SLAMF9: variants seen among roughly 807,000 people sequenced by gnomAD.
SLAMF9 encodes the protein SLAM family member 9, also known as CD2 family member 10.
In SLAMF9, 25 loss-of-function variants were observed where a neutral mutation model predicts 30.4. That is an observed-to-expected ratio of 0.82 (90% CI 0.60 to 1.15). The LOEUF is 1.15. Ranked by LOEUF, SLAMF9 falls within the 50% of genes most tolerant of loss-of-function variation. SLAMF9 has a pLI of 0.00. For missense variants in SLAMF9, 344 were observed against 346.1 expected (o/e 0.99, Z 0.05); for synonymous variants, 129 against 127.2 (o/e 1.01, Z -0.09).
rs148110395 is a variant in SLAMF9 at position 159,951,529 on chromosome 1, T to C, written c.*132A>G. 2.6e-6 allele frequency: 2 copies of C among 775,404 alleles called. No individual in the cohort carries two copies. Among genetic ancestry groups the C allele is most frequent in the East Asian group, 2.6e-5 (1 of 38,728 alleles). The allele number at this position is 775,404 out of a possible 1,614,324, so 48.0% of individuals were successfully genotyped here. ...AATTTGACTTTATTGCCAGCCAGTC[T>C]TCCCTCAGAAGTATGGCTCTCTGGA... On this transcript the variant is annotated 3_prime_UTR_variant, in exon 4 of 4. Transcript: ENST00000368093.
the SLAMF9 span, chr1:159,961,162 CTCT>C: frequency 6.6e-6 from 1 of 152,150 alleles, no homozygotes; most frequent in Non-Finnish European, 1.5e-5. Flanking sequence ...GACTTTCTCT[CTCT>C]TCTTCCTGGA....
chr1:159,959,592 A>G, the SLAMF9 span, among the ~76,000 whole-genome samples: 1 of 152,088 alleles, frequency 6.6e-6, no homozygotes, highest in Non-Finnish European at 1.5e-5. Flanking sequence ...GACCTGTCAT[A>G]GGTGCCTGTC....
At chr1:159,978,011 C>G in the SLAMF9 span, among the ~76,000 whole-genome samples, 2 of 152,064 alleles carry the variant, frequency 1.3e-5, no homozygotes, top group African/African-American at 4.8e-5. Context: ...GGATCTGTGG[C>G]CTTTCTTCCT....
chr1:159,973,129 C>A, the SLAMF9 span: 1 of 1,539,458 alleles, frequency 6.5e-7, no homozygotes, highest in Non-Finnish European at 8.9e-7. Flanking sequence ...GGGCCCCTGT[C>A]CTGCAAGGTG....
At chr1:159,966,977 T>C in the SLAMF9 span, among the ~76,000 whole-genome samples, 2 of 152,196 alleles carry the variant, frequency 1.3e-5, no homozygotes, top group African/African-American at 4.8e-5. Flanking sequence ...GCATAAACTT[T>C]TTAGTTTTAT....
intron 3 of SLAMF9, 36 bp downstream of exon 3, chr1:159,952,226 T>C (rs1651770225): frequency 6.2e-7 from 1 of 1,610,196 alleles, no homozygotes; most frequent in East Asian, 2.2e-5. Context: ...GCACTATCTT[T>C]CATGAGCTCA....
At chr1:159,969,773 T>C in the SLAMF9 span, among the ~76,000 whole-genome samples, 1 of 152,234 alleles carries the variant, frequency 6.6e-6, no homozygotes, top group African/African-American at 2.4e-5. Context: ...CTGGGTGCAG[T>C]GGCTCATGCC....
chr1:159,969,691 G>C, the SLAMF9 span, among the ~76,000 whole-genome samples: 1 of 152,150 alleles, frequency 6.6e-6, no homozygotes, highest in Non-Finnish European at 1.5e-5. Flanking sequence ...TCCTGGACAG[G>C]GGAGAGGAAT....
intron 3 of SLAMF9, 61 bp from the exon 4 acceptor site, chr1:159,951,927 C>T: frequency 1.4e-6 from 2 of 1,452,800 alleles, no homozygotes; most frequent in Non-Finnish European, 1.9e-6. Context: ...AAGATTTGGG[C>T]AGACTCCTAC....
At chr1:159,983,215 C>G in the SLAMF9 span, 1 of 152,196 alleles carries the variant, frequency 6.6e-6, no homozygotes, top group Admixed American at 6.5e-5. Flanking sequence ...TGTCTTTCAT[C>G]CTTTTCTTTT....
At chr1:159,967,212 A>G in the SLAMF9 span, among the ~76,000 whole-genome samples, 1 of 152,198 alleles carries the variant, frequency 6.6e-6, no homozygotes, top group Admixed American at 6.5e-5. Context: ...ACACAGGTAT[A>G]CATGTGCCAT....
the SLAMF9 span, among the ~76,000 whole-genome samples, chr1:159,976,086 AGTGTGTGTGTGT>A: frequency 2.8e-4 from 42 of 148,370 alleles, no homozygotes; most frequent in African/African-American, 6.0e-4. Context: ...TATAGGTTGT[AGTGTGTGTGTGT>A]GTGTGTGTGT....
At chr1:159,972,840 G>T in the SLAMF9 span, 2 of 942,022 alleles carry the variant, frequency 2.1e-6, no homozygotes, top group Non-Finnish European at 2.9e-6. Flanking sequence ...GGACACAGGA[G>T]CTGGGACACA....
chr1:159,953,654 C>G lies in SLAMF9; in HGVS notation c.47-1G>C, dbSNP rs916504659. ...CATCTCCAGAGTCTCCTTTGGCTGC[C>G]TATGCAGGAAGAAAAGAGAAGCAAA... is the stretch of plus-strand genomic sequence containing the variant. On this transcript the variant is annotated splice_acceptor_variant, in intron 1 of 3. Coordinates refer to ENST00000368093, the MANE Select transcript of SLAMF9 (RefSeq NM_033438.4). LOFTEE classifies it high-confidence loss of function. The G allele has an allele frequency of 6.3e-7, 1 of 1,590,514 alleles. No homozygotes were observed. The highest frequency in any genetic ancestry group is 8.6e-7 in the Non-Finnish European group (1 of 1,165,148).
At chr1:159,963,559 C>T in the SLAMF9 span, among the ~76,000 whole-genome samples, 3 of 152,198 alleles carry the variant, frequency 2.0e-5, no homozygotes, top group Admixed American at 2.0e-4. Flanking sequence ...CCTTGTCTCT[C>T]AGGCTTCACA....
Position 159,951,495 on chromosome 1 carries a change from T to C in SLAMF9, c.*166A>G. 5 of 631,872 alleles carry C rather than the reference T, an allele frequency of 7.9e-6. No individual in the cohort carries two copies. Among genetic ancestry groups the C allele is most frequent in the Non-Finnish European group, 5.4e-6 (2 of 368,400 alleles). 39.1% of individuals were successfully genotyped at this position (631,872 alleles called of 1,614,324 possible). A position where few individuals can be genotyped will look rare whatever the true frequency, so the allele number is the denominator to read the frequency against. Reference sequence around the variant, plus strand: ...ACCCAACACAGCTCCTGCAGAGTTGTGGTCACTTAATTTGACTTTATTGCC... The same window carrying C: ...ACCCAACACAGCTCCTGCAGAGTTGCGGTCACTTAATTTGACTTTATTGCC... On this transcript the variant is annotated 3_prime_UTR_variant, in exon 4 of 4. Coordinates refer to ENST00000368093, the MANE Select transcript of SLAMF9 (RefSeq NM_033438.4).
chr1:159,953,465 T>A lies in SLAMF9; in HGVS notation c.235A>T (p.Asn79Tyr). 6.2e-7 allele frequency: 1 copy of A among 1,614,194 alleles called. No individual in the cohort carries two copies. ...CTCACTTGGCCCTGGTAGTGTGGATTGGTCACCATGATGGTAGCTGGATGT... is the reference window on the plus strand; with the variant it reads ...CTCACTTGGCCCTGGTAGTGTGGATAGGTCACCATGATGGTAGCTGGATGT... ...EGHPATIMVT[N>Y]PHYQGQVSFL... The change falls in exon 2 of 4, where the codon AAT becomes TAT. Residue 79 changes from asparagine (N) to tyrosine (Y), a missense_variant. Coordinates refer to ENST00000368093, the MANE Select transcript of SLAMF9 (RefSeq NM_033438.4).
At chr1:159,960,366 T>A in the SLAMF9 span, among the ~76,000 whole-genome samples, 13 of 151,920 alleles carry the variant, frequency 8.6e-5, no homozygotes, top group Middle Eastern at 3.2e-3. Flanking sequence ...TATGGCTGCA[T>A]CTACACTGCT....
chr1:159,974,601 C>T, the SLAMF9 span, among the ~76,000 whole-genome samples: 9 of 152,214 alleles, frequency 5.9e-5, no homozygotes, highest in African/African-American at 1.4e-4. Flanking sequence ...CAGACTCCAT[C>T]GATGCCCCAC....
Sources: gnomAD v4.1 joint callset for allele counts (sites outside exome capture counted in the v4.1 genomes callset) on GRCh38, gnomAD v4.1.1 for gene constraint, MANE v1.5 for transcripts, NCBI Gene and HGNC (gene_info 2026-07-23, HGNC 2026-07-21) for gene names.